AADACL4: variants seen among roughly 807,000 people sequenced by gnomAD.
The protein encoded by AADACL4 is arylacetamide deacetylase-like 4.
In AADACL4, 9 loss-of-function variants were observed where a neutral mutation model predicts 14.1. That is an observed-to-expected ratio of 0.64 (90% confidence interval 0.39 to 1.12). AADACL4 has a LOEUF of 1.12. Ranked by LOEUF, AADACL4 falls within the 50% of genes most tolerant of loss-of-function variation. AADACL4 has a pLI of 0.01. For missense variants in AADACL4, 531 were observed against 516.1 expected (o/e 1.03, Z -0.28); for synonymous variants, 188 against 201.6 (o/e 0.93, Z 0.57).
At chr1:12,646,859 A>C in intron 1 of AADACL4, among the ~76,000 whole-genome samples, 1 of 152,134 alleles carries the variant, frequency 6.6e-6, no homozygotes, top group South Asian at 2.1e-4. Context: ...GGTGATGATG[A>C]TGAGGATGAG....
At position 12,666,499 on chromosome 1, in the gene AADACL4, G is replaced by A. The variant is rs369014106; in HGVS notation, c.988G>A (p.Asp330Asn). 4 of 1,614,076 alleles carry A rather than the reference G, an allele frequency of 2.5e-6. No homozygotes were observed. The African/African-American group carries it at 5.3e-5, about 22-fold the overall frequency. The change falls in exon 4 of 4, where the codon GAT (aspartate) becomes AAT (asparagine). Residue 330 changes from aspartate to asparagine, a missense_variant. Transcript: ENST00000376221. ...DVENSPLIADDEVIAQLPEAF... is the reference protein window; with the variant it reads ...DVENSPLIADNEVIAQLPEAF... ...AGAAAATTCACCCCTGATAGCAGAT[G>A]ATGAGGTCATCGCTCAGCTTCCTGA...
chr1:12,666,272 G>C lies in AADACL4; in HGVS notation c.761G>C (p.Cys254Ser), dbSNP rs766969296. 1 of 1,614,220 alleles carries C rather than the reference G, an allele frequency of 6.2e-7. No individual in the cohort carries two copies. The highest frequency in any genetic ancestry group is 2.2e-5 in the East Asian group (1 of 44,888). Residue 254 changes from cysteine to serine, a missense_variant, in exon 4 of 4, where the codon TGT (cysteine) becomes TCT (serine). Physicochemically the swap from Cys to Ser is moderately radical, Grantham distance 112 (BLOSUM62 -1). Coordinates refer to ENST00000376221, the MANE Select transcript of AADACL4 (RefSeq NM_001013630.2). ...CGGAAGTTCATGGTGACTTCTCTGTGTAACTATCTGGCCATTGACCTCTCC... is the reference window on the plus strand; with the variant it reads ...CGGAAGTTCATGGTGACTTCTCTGTCTAACTATCTGGCCATTGACCTCTCC... ...LSRKFMVTSL[C>S]NYLAIDLSWR...
intron 3 of AADACL4, among the ~76,000 whole-genome samples, chr1:12,665,159 CTG>C (rs1491309796): frequency 2.0e-5 from 3 of 152,222 alleles, no homozygotes; most frequent in Non-Finnish European, 4.4e-5. Context: ...TCCTGAGTAA[CTG>C]AGACTACAAG....
intron 2 of AADACL4, among the ~76,000 whole-genome samples, chr1:12,657,332 C>T (rs772397729): frequency 6.6e-6 from 1 of 151,914 alleles, no homozygotes; most frequent in Non-Finnish European, 1.5e-5. Flanking sequence ...TTCCAGAGAA[C>T]AAGAGGACTC....
chr1:12,654,025 A>G (rs1647166213), intron 2 of AADACL4, among the ~76,000 whole-genome samples: 2 of 152,216 alleles, frequency 1.3e-5, no homozygotes, highest in Admixed American at 1.3e-4. Context: ...AGGCAGTACC[A>G]TCCAGGTGTG....
chr1:12,662,264 T>A (rs1647240773), intron 3 of AADACL4, among the ~76,000 whole-genome samples: 1 of 152,070 alleles, frequency 6.6e-6, no homozygotes, highest in Non-Finnish European at 1.5e-5. Flanking sequence ...AAGAATACTT[T>A]CGAGGAAAAC....
chr1:12,645,257 C>A, intron 1 of AADACL4, among the ~76,000 whole-genome samples: 1 of 115,760 alleles, frequency 8.6e-6, no homozygotes, highest in African/African-American at 3.2e-5. Flanking sequence ...CTCCCTCCCT[C>A]CCTCCCTCCC....
At chr1:12,655,566 T>G (rs528431937) in intron 2 of AADACL4, among the ~76,000 whole-genome samples, 28 of 151,894 alleles carry the variant, frequency 1.8e-4, no homozygotes, top group African/African-American at 6.8e-4. Flanking sequence ...TTTTCACACT[T>G]GAAGCAGTAA....
rs775815654 is a variant in AADACL4, at chr1:12,651,147, A to C, written c.193A>C (p.Ile65Leu). 6.2e-7 allele frequency: 1 copy of C among 1,614,202 alleles called. No individual in the cohort carries two copies. The highest frequency in any genetic ancestry group is 8.5e-7 in the Non-Finnish European group (1 of 1,180,020). ...GGGGAATATATTTGAGAAGCTGGGA[A>C]TTTGCTCCATGCCCAAATTTATTCG... ...TLGNIFEKLGICSMPKFIRFL... is the reference protein window; with the variant it reads ...TLGNIFEKLGLCSMPKFIRFL... Residue 65 changes from isoleucine (I) to leucine (L), a missense_variant, in exon 2 of 4, where the codon ATT becomes CTT. Ile to Leu is a conservative substitution (Grantham distance 5). Transcript: ENST00000376221.
At chr1:12,665,927 A>G (rs1330277056) in intron 3 of AADACL4, 34 bp from the exon 4 acceptor site, 1 of 1,564,714 alleles carries the variant, frequency 6.4e-7, no homozygotes. Context: ...CACTGTCCAC[A>G]CTGGTGTAGT....
rs113894790 is a variant in AADACL4, at chr1:12,659,060, T to C, written c.386-2731T>C. Among the ~76,000 whole-genome samples the C allele has an allele frequency of 7.8e-3, 1,188 of 152,288 alleles. 11 individuals are homozygous for C. Among genetic ancestry groups the C allele is most frequent in the African/African-American group, 0.026 (1,088 of 41,546 alleles). ...TTGCGAATGAACAAATGGATATGGA[T>C]GTATGGACCGACGCATGGACACATA... On this transcript the variant is annotated intron_variant, in intron 2 of 3. Transcript: ENST00000376221.
In AADACL4 at chr1:12,666,942, A is replaced by G. The variant is rs1212358761; in HGVS notation, c.*207A>G. The G allele has an allele frequency of 1.9e-6, 1 of 527,006 alleles. No individual in the cohort carries two copies. The allele number at this position is 527,006 out of a possible 1,614,324, so 32.6% of individuals were successfully genotyped here. On this transcript the variant is annotated 3_prime_UTR_variant, in exon 4 of 4. Coordinates refer to ENST00000376221, the MANE Select transcript of AADACL4 (RefSeq NM_001013630.2). ...TTTCCTTCCAGCACTAACAATGTCCATTGCTGGATCTAGCGACATTCTCTA... is the reference window on the plus strand; with the variant it reads ...TTTCCTTCCAGCACTAACAATGTCCGTTGCTGGATCTAGCGACATTCTCTA...
At position 12,657,469 on chromosome 1, in the gene AADACL4, C is replaced by G. The variant is rs56095302; in HGVS notation, c.386-4322C>G. Reference sequence around the variant, plus strand: ...GGGAGGTCCCCAAATGCCATTGGGACGTTGACCCTCGCCAGTGTTCAGGCT... The same window carrying G: ...GGGAGGTCCCCAAATGCCATTGGGAGGTTGACCCTCGCCAGTGTTCAGGCT... On this transcript the variant is annotated intron_variant, in intron 2 of 3. Coordinates refer to ENST00000376221, the MANE Select transcript of AADACL4 (RefSeq NM_001013630.2). 1.4e-4 allele frequency among the ~76,000 whole-genome samples: 21 copies of G among 152,092 alleles called. No individual in the cohort carries two copies. The East Asian group carries it at 4.0e-3, about 29-fold the overall frequency.
chr1:12,658,108 T>TTCCTTCCTTCC lies in AADACL4; in HGVS notation c.386-3682_386-3681insCCTTCCTTCCT, dbSNP rs1647195201. 2.1e-3 allele frequency among the ~76,000 whole-genome samples: 254 copies of TTCCTTCCTTCC among 122,054 alleles called. 1 individual carries two copies. Among genetic ancestry groups the TTCCTTCCTTCC allele is most frequent in the African/African-American group, 9.2e-3 (229 of 24,994 alleles). 80.1% of individuals were successfully genotyped at this position (122,054 alleles called of 152,430 possible). ...TTCTTTCTCTTTCTTTCTCTCTTTC[T>TTCCTTCCTTCC]TTCCTTCCTTCCTTCCTTCCTTCCT... On this transcript the variant is annotated intron_variant, in intron 2 of 3. Coordinates refer to ENST00000376221, the MANE Select transcript of AADACL4 (RefSeq NM_001013630.2).
Position 12,644,202 on chromosome 1 carries a change from A to G in AADACL4, c.-345A>G, listed in dbSNP as rs769326269. On this transcript the variant is annotated 5_prime_UTR_variant, in exon 1 of 4. Transcript: ENST00000376221. ...TTGAAAGATCAGGCCCTGGAGGCCT[A>G]TATAACCCATATGAGATCTCTTTCT... Among the ~76,000 whole-genome samples, 1 of 152,216 alleles carries G rather than the reference A, an allele frequency of 6.6e-6. No homozygotes were observed. The highest frequency in any genetic ancestry group is 1.5e-5 in the Non-Finnish European group (1 of 68,030).
rs779658598 is a variant in AADACL4, at chr1:12,666,464, T to C, written c.953T>C (p.Met318Thr). 7 of 1,614,112 alleles carry C rather than the reference T, an allele frequency of 4.3e-6. No homozygotes were observed. The highest frequency in any genetic ancestry group is 1.7e-5 in the Admixed American group (1 of 60,012). The change falls in exon 4 of 4, where the codon ATG (methionine) becomes ACG (threonine). Residue 318 changes from methionine to threonine, a missense_variant. Met to Thr is a moderately conservative substitution (Grantham distance 81). Coordinates refer to ENST00000376221, the MANE Select transcript of AADACL4 (RefSeq NM_001013630.2). ...GCTGCCTATCTAGAAGCCAAACATA[T>C]GCTGGATGTAGAAAATTCACCCCTG... ...NEAAYLEAKH[M>T]LDVENSPLIA...
intron 1 of AADACL4, among the ~76,000 whole-genome samples, chr1:12,648,968 G>A (rs974627933): frequency 3.3e-5 from 5 of 152,142 alleles, no homozygotes; most frequent in Admixed American, 1.3e-4. Flanking sequence ...CTAAACAAAC[G>A]TTTCCTGTTC....
At chr1:12,657,351 G>A (rs1342108606) in intron 2 of AADACL4, among the ~76,000 whole-genome samples, 1 of 152,024 alleles carries the variant, frequency 6.6e-6, no homozygotes, top group Non-Finnish European at 1.5e-5. Context: ...TCAAACTAAG[G>A]TTGGAGCGGG....
Position 12,644,110 on chromosome 1 carries a change from G to T in AADACL4, c.-437G>T, listed in dbSNP as rs1350186370. On this transcript the variant is annotated 5_prime_UTR_variant, in exon 1 of 4. Coordinates refer to ENST00000376221, the MANE Select transcript of AADACL4 (RefSeq NM_001013630.2). ...GGGAAGCTAGCTAGGGAGCTGGGGT[G>T]AGACGTGCTGTGCTCACCCTAACCA... is the stretch of plus-strand genomic sequence containing the variant. Among the ~76,000 whole-genome samples the T allele has an allele frequency of 3.3e-5, 5 of 152,228 alleles. No homozygotes were observed. Among genetic ancestry groups the T allele is most frequent in the Non-Finnish European group, 7.3e-5 (5 of 68,034 alleles).
Sources: gnomAD v4.1 joint callset for allele counts (sites outside exome capture counted in the v4.1 genomes callset) on GRCh38, gnomAD v4.1.1 for gene constraint, MANE v1.5 for transcripts, NCBI Gene and HGNC (gene_info 2026-07-23, HGNC 2026-07-21) for gene names.